The following ZDHHC23 variants were observed in gnomAD, a reference collection of about 807,000 sequenced individuals.
The protein encoded by ZDHHC23 is zDHHC palmitoyltransferase 23.
A neutral mutation model predicts 40.2 loss-of-function variants in ZDHHC23; 41 were observed. The observed-to-expected ratio is 1.02, with a 90% CI of 0.79 to 1.32. The LOEUF is 1.32. Ranked by LOEUF, ZDHHC23 falls within the 40% of genes most tolerant of loss-of-function variation. The probability of loss-of-function intolerance (pLI) is 0.00; values close to 1 mark genes in which losing one functional copy is unlikely to be tolerated. For missense variants in ZDHHC23, 471 were observed against 541.5 expected, an observed-to-expected ratio of 0.87 and a Z score of 1.29; for synonymous variants, 204 against 210.2, an observed-to-expected ratio of 0.97 and a Z score of 0.26.
intron 2 of ZDHHC23, among the ~76,000 whole-genome samples, chr3:113,951,774 A>G (rs1013182879): frequency 2.0e-5 from 3 of 152,174 alleles, no homozygotes; most frequent in African/African-American, 7.2e-5. Context: ...ATTTGTTACA[A>G]TATAGACAGG....
Position 113,958,595 on chromosome 3 carries a change from C to G in ZDHHC23, c.1273C>G (p.Arg425Gly), listed in dbSNP as rs761010930. 1.2e-6 allele frequency: 2 copies of G among 1,604,556 alleles called. No individual in the cohort carries two copies. Among genetic ancestry groups the G allele is most frequent in the African/African-American group, 1.3e-5 (1 of 75,034 alleles). The change falls in exon 5 of 5, where the codon CGT becomes GGT. Residue 425 changes from arginine (R) to glycine (G), a missense_variant. Around this residue, in one of 3 missense-constraint regions of ZDHHC23, gnomAD observed 346 missense variants for 399.8 expected, o/e 0.87. Transcript: ENST00000638807. ...GCACCAGTTCTCCACCCTGGGCACA[C>G]GTGCATTCCACCACCCTGCCGAGGA... ...NWHQFSTLGT[R>G]AFHHPAEDIV
chr3:113,959,816 C>G lies in ZDHHC23; in HGVS notation c.*1186C>G. ...CAGTATCTCACTAAGAGAGAAGAAACAGGGTATATGTGGTTTCCACTATTA... is the reference window on the plus strand; with the variant it reads ...CAGTATCTCACTAAGAGAGAAGAAAGAGGGTATATGTGGTTTCCACTATTA... On this transcript the variant is annotated 3_prime_UTR_variant, in exon 5 of 5. Coordinates refer to ENST00000638807, the MANE Select transcript of ZDHHC23 (RefSeq NM_001320466.2). The G allele has an allele frequency of 9.5e-7, 1 of 1,051,930 alleles. No homozygotes were observed. Among genetic ancestry groups the G allele is most frequent in the Non-Finnish European group, 1.2e-6 (1 of 861,926 alleles). 65.2% of individuals were successfully genotyped at this position (1,051,930 alleles called of 1,614,324 possible).
downstream of ZDHHC23, among the ~76,000 whole-genome samples, chr3:113,968,010 A>G (rs546536227): frequency 8.1e-4 from 124 of 152,280 alleles, no homozygotes; most frequent in African/African-American, 2.7e-3. Flanking sequence ...TGTATATACC[A>G]TATTTTCTTT....
In ZDHHC23 at chr3:113,948,023, G is replaced by C. The variant is rs1938244797; in HGVS notation, c.-285G>C. 6.6e-6 allele frequency: 1 copy of C among 150,880 alleles called. No homozygotes were observed. The highest frequency in any genetic ancestry group is 1.5e-5 in the Non-Finnish European group (1 of 67,466). 9.3% of individuals were successfully genotyped at this position (150,880 alleles called of 1,614,324 possible). A position where few individuals can be genotyped will look rare whatever the true frequency, so the allele number is the denominator to read the frequency against. On this transcript the variant is annotated 5_prime_UTR_variant, in exon 1 of 5. Transcript: ENST00000638807. ...CGGCGGGCTGTGGTCACAGGTGGGC[G>C]GCTGCGGCGAGGGAGCGGCCGAGCG...
the ZDHHC23 span, chr3:113,978,117 A>G: frequency 6.5e-7 from 1 of 1,549,632 alleles, no homozygotes. Flanking sequence ...GACACATTGT[A>G]GGAGCAGAAT....
chr3:113,957,506 C>T (rs965308674), intron 4 of ZDHHC23: 6 of 364,854 alleles, frequency 1.6e-5, no homozygotes, highest in Admixed American at 3.6e-5. Context: ...TCCTGAAGCA[C>T]AGCATGTCTG....
At chr3:113,967,397 TTCTC>T (rs1940312031), downstream of ZDHHC23, among the ~76,000 whole-genome samples, 1 of 152,034 alleles carries the variant, frequency 6.6e-6, no homozygotes, top group African/African-American at 2.4e-5. Flanking sequence ...TTCCCTACAT[TTCTC>T]TTTCTTTCCC....
In ZDHHC23 at chr3:113,959,123, A is replaced by G. The variant is rs1207618312; in HGVS notation, c.*493A>G. 1.0e-6 allele frequency: 1 copy of G among 997,318 alleles called. No individual in the cohort carries two copies. Among genetic ancestry groups the G allele is most frequent in the African/African-American group, 1.7e-5 (1 of 59,326 alleles). The allele number at this position is 997,318 out of a possible 1,614,324, so 61.8% of individuals were successfully genotyped here. ...CACGTGAGGGAAGATGGATGTGGAA[A>G]GCACTAAAAAACAACTCAAGAGCCA... On this transcript the variant is annotated 3_prime_UTR_variant, in exon 5 of 5. Transcript: ENST00000638807.
downstream of ZDHHC23, among the ~76,000 whole-genome samples, chr3:113,966,384 C>T (rs751573864): frequency 1.3e-5 from 2 of 152,118 alleles, no homozygotes; most frequent in Non-Finnish European, 2.9e-5. Context: ...AGCCAGGTAC[C>T]GTCTGCCCCG....
At chr3:113,951,311 C>A (rs1340462871) in intron 2 of ZDHHC23, among the ~76,000 whole-genome samples, 1 of 152,188 alleles carries the variant, frequency 6.6e-6, no homozygotes, top group African/African-American at 2.4e-5. Flanking sequence ...AGTCCTCTGC[C>A]TCGGTCCCGA....
the ZDHHC23 span, chr3:113,978,333 T>C: frequency 3.1e-6 from 5 of 1,613,496 alleles, no homozygotes; most frequent in Non-Finnish European, 4.2e-6. Flanking sequence ...AATCACGTAC[T>C]GGGGATGAAG....
In ZDHHC23 at chr3:113,954,135, A is replaced by G. The variant is rs34363770; in HGVS notation, c.597A>G (p.Ala199=). Residue 199 remains alanine, a synonymous_variant, in exon 3 of 5, where the codon GCA becomes GCG. Transcript: ENST00000638807. ...ATCCAGGCTACCTCAGCAATCCAGC[A>G]AGCGGTGACAGATCTCTAAGCAGCA... The part of the protein sequence containing the change: ...KKNPGYLSNP[A]SGDRSLSSSQ... 1.2e-3 allele frequency: 1,966 copies of G among 1,614,236 alleles called. 25 individuals are homozygous for G. In the African/African-American group the frequency reaches 0.024, roughly 20 times the overall value.
At position 113,960,230 on chromosome 3, in the gene ZDHHC23, T is replaced by G; in HGVS notation, c.*1600T>G. On this transcript the variant is annotated 3_prime_UTR_variant, in exon 5 of 5. Coordinates refer to ENST00000638807, the MANE Select transcript of ZDHHC23 (RefSeq NM_001320466.2). ...CACCGTCCCTACTGTTGCCATTAAT[T>G]GGAGCTGTCCTTAAGATGGTCACCA... The G allele has an allele frequency of 1.0e-6, 1 of 996,812 alleles. No homozygotes were observed. Among genetic ancestry groups the G allele is most frequent in the Non-Finnish European group, 1.2e-6 (1 of 837,106 alleles). 61.7% of individuals were successfully genotyped at this position (996,812 alleles called of 1,614,324 possible). A position where few individuals can be genotyped will look rare whatever the true frequency, so the allele number is the denominator to read the frequency against.
At chr3:113,966,410 G>A (rs2107543813), downstream of ZDHHC23, among the ~76,000 whole-genome samples, 1 of 152,208 alleles carries the variant, frequency 6.6e-6, no homozygotes, top group Middle Eastern at 3.4e-3. Context: ...GGCTGAAACA[G>A]GTGACCAGAG....
rs1559850941 is a variant in ZDHHC23 at position 113,958,703 on chromosome 3, T to TC, written c.*75dup. Reference sequence around the variant, plus strand: ...CTCCCTTCCATTTTACACTTCAGTGTCCATTTCTATCCCCAGTTTCTTAAA... The same window carrying TC: ...CTCCCTTCCATTTTACACTTCAGTGTCCCATTTCTATCCCCAGTTTCTTAAA... On this transcript the variant is annotated 3_prime_UTR_variant, in exon 5 of 5. Coordinates refer to ENST00000638807, the MANE Select transcript of ZDHHC23 (RefSeq NM_001320466.2). 6.3e-7 allele frequency: 1 copy of TC among 1,593,022 alleles called. No individual in the cohort carries two copies. Among genetic ancestry groups the TC allele is most frequent in the Admixed American group, 1.7e-5 (1 of 59,724 alleles).
the ZDHHC23 span, among the ~76,000 whole-genome samples, chr3:113,975,378 A>T: frequency 6.6e-6 from 1 of 152,160 alleles, no homozygotes; most frequent in Non-Finnish European, 1.5e-5. Context: ...TATTTCATTC[A>T]TATAAAATTG....
intron 2 of ZDHHC23, among the ~76,000 whole-genome samples, chr3:113,950,672 GC>G (rs1046580513): frequency 1.2e-4 from 19 of 152,100 alleles, no homozygotes; most frequent in African/African-American, 4.6e-4. Context: ...CATCCTAATA[GC>G]CCCAAAAGTC....
At chr3:113,976,518 A>ATGGTT in the ZDHHC23 span, among the ~76,000 whole-genome samples, 1 of 152,056 alleles carries the variant, frequency 6.6e-6, no homozygotes, top group Admixed American at 6.5e-5. Flanking sequence ...ATCAGATGAG[A>ATGGTT]TGGTTTGTGC....
intron 3 of ZDHHC23, among the ~76,000 whole-genome samples, chr3:113,955,339 C>T (rs554885692): frequency 9.3e-5 from 14 of 150,154 alleles, no homozygotes; most frequent in African/African-American, 3.5e-4. Flanking sequence ...AGATGTTCTA[C>T]TTCTGTGTCT....
Sources: gnomAD v4.1 joint callset for allele counts (sites outside exome capture counted in the v4.1 genomes callset) on GRCh38, gnomAD v4.1.1 for gene constraint, gnomAD v4.1.1 regional missense constraint, MANE v1.5 for transcripts, NCBI Gene and HGNC (gene_info 2026-07-23, HGNC 2026-07-21) for gene names.